MS4A7: variants seen among roughly 807,000 people sequenced by gnomAD.
The protein encoded by MS4A7 is membrane spanning 4-domains A7, also known as membrane-spanning 4-domains subfamily A member 7.
In MS4A7, 21 loss-of-function variants were observed where a neutral mutation model predicts 23.5. The observed-to-expected ratio is 0.89, with a 90% CI of 0.63 to 1.29. MS4A7 has a LOEUF of 1.29. Ranked by LOEUF, MS4A7 falls within the 50% of genes most tolerant of loss-of-function variation. The probability of loss-of-function intolerance (pLI) is 0.00; values close to 1 mark genes in which losing one functional copy is unlikely to be tolerated. For synonymous variants in MS4A7, 111 were observed against 107.4 expected (o/e 1.03, Z -0.21); for missense variants, 263 against 274.2 (o/e 0.96, Z 0.29).
chr11:60,386,804 G>C, intron 4 of MS4A7, 31 bp downstream of exon 4: 1 of 1,537,838 alleles, frequency 6.5e-7, no homozygotes, highest in African/African-American at 1.4e-5. Flanking sequence ...ATCTCAGCTG[G>C]TTGGAATTGA....
At chr11:60,385,558 C>G (rs1247993452) in intron 3 of MS4A7, among the ~76,000 whole-genome samples, 2 of 152,162 alleles carry the variant, frequency 1.3e-5, no homozygotes, top group Non-Finnish European at 2.9e-5. Context: ...TGGATTCCCT[C>G]CATTGTAAGA....
intron 2 of MS4A7, 143 bp downstream of exon 2, chr11:60,383,431 A>T: frequency 1.1e-6 from 1 of 885,582 alleles, no homozygotes; most frequent in African/African-American, 1.7e-5. Context: ...TGGAGCTTTA[A>T]GGGAAGACTC....
chr11:60,384,839 C>CA (rs151301666), intron 2 of MS4A7, among the ~76,000 whole-genome samples: 3 of 152,058 alleles, frequency 2.0e-5, no homozygotes, highest in Admixed American at 6.5e-5. Flanking sequence ...GTATCTTTTT[C>CA]AAAAAAAGTT....
chr11:60,389,199 C>T, intron 4 of MS4A7, 191 bp from the exon 5 acceptor site: 1 of 581,470 alleles, frequency 1.7e-6, no homozygotes, highest in East Asian at 2.8e-5. Flanking sequence ...TAAGCATTTA[C>T]TAATTATATC....
At chr11:60,383,779 C>T (rs1255650049) in intron 2 of MS4A7, 1 of 152,238 alleles carries the variant, frequency 6.6e-6, no homozygotes, top group Non-Finnish European at 1.5e-5. Context: ...ACCTTGTGAT[C>T]TGCCCGCCTT....
chr11:60,394,909 G>C lies in MS4A7; in HGVS notation c.*1048G>C. ...ATAAAATAAAAAAGAATATTCAGTC[G>C]TTGGCACATAAACTATGTTCTCTTC... On this transcript the variant is annotated 3_prime_UTR_variant, in exon 7 of 7. Coordinates refer to ENST00000300184, the MANE Select transcript of MS4A7 (RefSeq NM_021201.5). 1 of 582,736 alleles carries C rather than the reference G, an allele frequency of 1.7e-6. No homozygotes were observed. The highest frequency in any genetic ancestry group is 3.1e-6 in the Non-Finnish European group (1 of 322,010). 36.1% of individuals were successfully genotyped at this position (582,736 alleles called of 1,614,324 possible). A position where few individuals can be genotyped will look rare whatever the true frequency, so the allele number is the denominator to read the frequency against.
chr11:60,387,454 C>T (rs910172870), intron 4 of MS4A7, among the ~76,000 whole-genome samples: 3 of 152,140 alleles, frequency 2.0e-5, no homozygotes, highest in African/African-American at 4.8e-5. Flanking sequence ...GGTGGGGAGG[C>T]ATTCATTCCC....
chr11:60,393,752 A>ATTG (rs772210590), intron 6 of MS4A7, 35 bp from the exon 7 acceptor site: 14 of 1,536,734 alleles, frequency 9.1e-6, no homozygotes, highest in Non-Finnish European at 1.2e-5. Flanking sequence ...CCGAAATCAA[A>ATTG]GTTTAAAAAT....
intron 2 of MS4A7, 110 bp from the exon 3 acceptor site, chr11:60,384,973 TTAATA>T (rs1438582508): frequency 1.0e-6 from 1 of 992,892 alleles, no homozygotes; most frequent in Non-Finnish European, 1.4e-6. Context: ...TTTTTCCTCT[TTAATA>T]TAACAAATTA....
intron 1 of MS4A7, among the ~76,000 whole-genome samples, chr11:60,379,602 G>A (rs186228235): frequency 7.1e-4 from 108 of 152,098 alleles, no homozygotes; most frequent in African/African-American, 2.4e-3. Flanking sequence ...GCGTGATCTC[G>A]GCTTACTGCA....
At chr11:60,389,305 C>A in intron 4 of MS4A7, 85 bp from the exon 5 acceptor site, 5 of 1,075,756 alleles carry the variant, frequency 4.6e-6, no homozygotes, top group Non-Finnish European at 6.7e-6. Context: ...CCCAAGGAAG[C>A]ACCATTGCAG....
intron 5 of MS4A7, among the ~76,000 whole-genome samples, chr11:60,391,969 C>G (rs1469251551): frequency 7.6e-6 from 1 of 131,036 alleles, no homozygotes; most frequent in African/African-American, 2.9e-5. Context: ...AAAAAAAGGA[C>G]AGTAAAGGAA....
At position 60,389,548 on chromosome 11, in the gene MS4A7, T is replaced by A. The variant is rs1413124405; in HGVS notation, c.498T>A (p.Tyr166Ter). 2 of 1,614,092 alleles carry A rather than the reference T, an allele frequency of 1.2e-6. No homozygotes were observed. Among genetic ancestry groups the A allele is most frequent in the Admixed American group, 3.3e-5 (2 of 60,024 alleles). The change falls in exon 5 of 7, where the codon TAT (tyrosine) becomes TAA (stop). Residue 166 changes from tyrosine to a stop codon, truncating the protein, a stop_gained. Transcript: ENST00000300184. LOFTEE classifies it high-confidence loss of function. ...LSSLPYSEYY[Y>*]PIYEIKDCLL... ...CATTGCCTTATTCGGAGTACTATTATCCAATATATGAAATCAAAGATTGTC... is the reference window on the plus strand; with the variant it reads ...CATTGCCTTATTCGGAGTACTATTAACCAATATATGAAATCAAAGATTGTC...
intron 3 of MS4A7, among the ~76,000 whole-genome samples, 194 bp downstream of exon 3, chr11:60,385,416 C>A (rs761436893): frequency 6.6e-6 from 1 of 152,220 alleles, no homozygotes; most frequent in Non-Finnish European, 1.5e-5. Flanking sequence ...TGTCTTCCTG[C>A]AGAGCAGGGG....
At chr11:60,379,635 C>A (rs944563047) in intron 1 of MS4A7, among the ~76,000 whole-genome samples, 1 of 152,124 alleles carries the variant, frequency 6.6e-6, no homozygotes, top group African/African-American at 2.4e-5. Context: ...CAGGTTCAAG[C>A]GATTCTCCCA....
intron 1 of MS4A7, among the ~76,000 whole-genome samples, chr11:60,379,588 G>C (rs1201871540): frequency 3.6e-5 from 3 of 83,780 alleles, no homozygotes; most frequent in South Asian, 3.8e-4. Flanking sequence ...ACCCAGGCTA[G>C]AGTGCGTGAT....
chr11:60,386,936 T>C (rs888086067), intron 4 of MS4A7, among the ~76,000 whole-genome samples, 163 bp downstream of exon 4: 1 of 152,172 alleles, frequency 6.6e-6, no homozygotes, highest in East Asian at 1.9e-4. Flanking sequence ...GAACCAAGAG[T>C]AGAGCCCAAA....
intron 4 of MS4A7, among the ~76,000 whole-genome samples, chr11:60,387,644 A>G (rs951438677): frequency 3.3e-5 from 5 of 152,202 alleles, no homozygotes; most frequent in African/African-American, 1.2e-4. Flanking sequence ...TGATTGCAGC[A>G]CCAAACTCAA....
rs2085565881 is a variant in MS4A7 at position 60,392,683 on chromosome 11, A to T, written c.547-2A>T. 1 of 1,612,006 alleles carries T rather than the reference A, an allele frequency of 6.2e-7. No individual in the cohort carries two copies. ...ACCAGCCATTCATGTCCTGATTTGC[A>T]GGGTGTCCTAGTGGTGATGCTCATC... On this transcript the variant is annotated splice_acceptor_variant, in intron 5 of 6. Transcript: ENST00000300184. LOFTEE classifies it high-confidence loss of function.
Sources: gnomAD v4.1 joint callset for allele counts (sites outside exome capture counted in the v4.1 genomes callset) on GRCh38, gnomAD v4.1.1 for gene constraint, MANE v1.5 for transcripts, NCBI Gene and HGNC (gene_info 2026-07-23, HGNC 2026-07-21) for gene names.